SEMA5B: variants seen among roughly 807,000 people sequenced by gnomAD.
SEMA5B encodes semaphorin-5B.
Under a neutral mutation model 135.0 loss-of-function variants are expected in SEMA5B, and 66 were observed. The ratio of observed to expected loss-of-function variants is 0.49; its 90% CI spans 0.40 to 0.60. The LOEUF (loss-of-function observed/expected upper bound fraction) is 0.60, where lower values mean the gene tolerates loss of function less well. SEMA5B is among the 20% of genes least tolerant of loss of function. The probability of loss-of-function intolerance (pLI) is 0.00; values close to 1 mark genes in which losing one functional copy is unlikely to be tolerated. For missense variants in SEMA5B, 1,501 were observed against 1,566.3 expected, an observed-to-expected ratio of 0.96 and a Z score of 0.70; for synonymous variants, 690 against 639.5, an observed-to-expected ratio of 1.08 and a Z score of -1.19.
intron 4 of SEMA5B, among the ~76,000 whole-genome samples, chr3:122,939,676 G>C (rs1191290812): frequency 6.6e-6 from 1 of 152,188 alleles, no homozygotes; most frequent in Non-Finnish European, 1.5e-5. Context: ...AGTTACAGAT[G>C]AAGAAGCAAG....
intron 12 of SEMA5B, among the ~76,000 whole-genome samples, chr3:122,920,241 T>C (rs570542587): frequency 8.9e-4 from 136 of 152,354 alleles, no homozygotes; most frequent in Middle Eastern, 3.4e-3. Context: ...TTCCCCATGT[T>C]TCTCCTGCGC....
At chr3:122,939,613 C>A in intron 4 of SEMA5B, 143 bp from the exon 5 acceptor site, 1 of 640,700 alleles carries the variant, frequency 1.6e-6, no homozygotes, top group Non-Finnish European at 2.8e-6. Context: ...GCTTTACCTC[C>A]ATTTGCTCAC....
At chr3:122,993,279 C>T (rs1941932563) in intron 1 of SEMA5B, 1 of 152,386 alleles carries the variant, frequency 6.6e-6, no homozygotes, top group Non-Finnish European at 1.5e-5. Flanking sequence ...GCACTGGAAG[C>T]AGCTCGCAGC....
At chr3:122,988,604 G>A (rs1941770694) in intron 1 of SEMA5B, among the ~76,000 whole-genome samples, 2 of 152,208 alleles carry the variant, frequency 1.3e-5, no homozygotes, top group African/African-American at 2.4e-5. Context: ...CAGCCCTGGG[G>A]AGCACAGATT....
At chr3:122,941,625 A>G (rs1939568581) in intron 4 of SEMA5B, among the ~76,000 whole-genome samples, 1 of 152,280 alleles carries the variant, frequency 6.6e-6, no homozygotes, top group African/African-American at 2.4e-5. Flanking sequence ...TATGACATAT[A>G]AAATAGTGCC....
chr3:122,949,906 C>T (rs1317901813), intron 2 of SEMA5B, among the ~76,000 whole-genome samples: 4 of 152,142 alleles, frequency 2.6e-5, no homozygotes. Context: ...CCCACTGCTC[C>T]CCAAATTATC....
intron 1 of SEMA5B, among the ~76,000 whole-genome samples, chr3:122,962,244 T>C (rs1365093464): frequency 6.6e-6 from 1 of 152,238 alleles, no homozygotes; most frequent in Non-Finnish European, 1.5e-5. Context: ...TCATTCCCAC[T>C]TGGCAAACAC....
At chr3:122,942,256 A>G (rs1173466831) in intron 4 of SEMA5B, among the ~76,000 whole-genome samples, 1 of 152,166 alleles carries the variant, frequency 6.6e-6, no homozygotes. Context: ...CAAGGTCAAG[A>G]TCCCCCAGGA....
At chr3:123,010,580 G>A (rs910818637) in intron 1 of SEMA5B, among the ~76,000 whole-genome samples, 4 of 152,098 alleles carry the variant, frequency 2.6e-5, no homozygotes, top group African/African-American at 9.7e-5. Flanking sequence ...GGAGGCTGAG[G>A]CAGGCAGATC....
chr3:122,974,400 C>T (rs972126650), intron 1 of SEMA5B, among the ~76,000 whole-genome samples: 7 of 152,268 alleles, frequency 4.6e-5, no homozygotes, highest in Admixed American at 4.6e-4. Context: ...GCACACTCGC[C>T]TGCGCACATG....
At position 122,943,541 on chromosome 3, in the gene SEMA5B, G is replaced by A. The variant is rs376564971; in HGVS notation, c.329-6C>T. ...AGAGACCCACGGCTGCAGGTCTGGT[G>A]GAGGGAGAGGCAACCCTGTGGTTAC... On this transcript the variant is annotated splice_region_variant and splice_polypyrimidine_tract_variant and intron_variant, in intron 3 of 22. Coordinates refer to ENST00000357599, the MANE Select transcript of SEMA5B (RefSeq NM_001031702.4). 6.1e-5 allele frequency: 97 copies of A among 1,594,564 alleles called. No individual in the cohort carries two copies. In the African/African-American group the frequency reaches 1.0e-3, roughly 17 times the overall value.
chr3:122,966,558 T>C (rs971160913), intron 1 of SEMA5B, among the ~76,000 whole-genome samples: 6 of 141,560 alleles, frequency 4.2e-5, no homozygotes, highest in South Asian at 2.1e-4. Flanking sequence ...ATTATTATTA[T>C]TATTATTATT....
chr3:122,956,235 C>A lies in SEMA5B; in HGVS notation c.124+4905G>T, dbSNP rs113650710. 4.1e-3 allele frequency among the ~76,000 whole-genome samples: 628 copies of A among 152,362 alleles called. 10 individuals carry two copies. The highest frequency in any genetic ancestry group is 0.014 in the African/African-American group (602 of 41,582). On this transcript the variant is annotated intron_variant, in intron 2 of 22. Coordinates refer to ENST00000357599, the MANE Select transcript of SEMA5B (RefSeq NM_001031702.4). The stretch of plus-strand genomic sequence containing the variant: ...AAATCTTTGGCCAGAGCTTCTCTTG[C>A]CTTCTCTCACGCTGCTGTCCCAGTT...
chr3:122,930,190 C>T (rs144817294), intron 5 of SEMA5B, among the ~76,000 whole-genome samples: 2 of 152,304 alleles, frequency 1.3e-5, no homozygotes, highest in East Asian at 1.9e-4. Flanking sequence ...GGCAGGGGGC[C>T]GGGAGAGCGA....
At position 122,990,407 on chromosome 3, in the gene SEMA5B, G is replaced by A. The variant is rs148754612; in HGVS notation, c.-38-29106C>T. 1.4e-3 allele frequency among the ~76,000 whole-genome samples: 214 copies of A among 152,280 alleles called. 2 individuals are homozygous for A. The highest frequency in any genetic ancestry group is 4.7e-3 in the African/African-American group (196 of 41,568). ...TGAGACCCAGACTCATGGGGCCAAA[G>A]GCCACATGAGAGCCCAAGGAGAGGG... On this transcript the variant is annotated intron_variant, in intron 1 of 22. Transcript: ENST00000357599.
chr3:122,990,343 G>A (rs1422567999), intron 1 of SEMA5B, among the ~76,000 whole-genome samples: 3 of 152,184 alleles, frequency 2.0e-5, no homozygotes, highest in South Asian at 2.1e-4. Context: ...TACTTCCTAA[G>A]CAGAAGGATT....
In SEMA5B at chr3:122,956,442, G is replaced by C. The variant is rs368537080; in HGVS notation, c.124+4698C>G. ...ATTAGGAAGAGGGTTTGCTGTAACA[G>C]GGGGAGTGAGTGAAATTGGCGAGTG... On this transcript the variant is annotated intron_variant, in intron 2 of 22. Transcript: ENST00000357599. 4.0e-4 allele frequency among the ~76,000 whole-genome samples: 61 copies of C among 152,326 alleles called. 1 individual carries two copies. In the East Asian group the frequency reaches 9.8e-3, roughly 25 times the overall value.
In SEMA5B at chr3:122,913,223, C is replaced by T. The variant is rs1937852209; in HGVS notation, c.2482G>A (p.Gly828Ser). 1.9e-6 allele frequency: 3 copies of T among 1,577,232 alleles called. No individual in the cohort carries two copies. The highest frequency in any genetic ancestry group is 2.3e-5 in the East Asian group (1 of 43,172). The change falls in exon 17 of 23, where the codon GGC (glycine) becomes AGC (serine). Residue 828 changes from glycine (G) to serine (S), a missense_variant. This residue lies in a region of SEMA5B where 927 missense variants were observed against 881.6 expected (regional missense o/e 1.05). Coordinates refer to ENST00000357599, the MANE Select transcript of SEMA5B (RefSeq NM_001031702.4). ...RTETRTCPAD[G>S]SGSCDTDALV... ...CCGTCGGTGTCGCAGGAGCCGGAGC[C>T]GTCCGCGGGACAGGTCCTCGTCTCG... is the stretch of plus-strand genomic sequence containing the variant.
intron 12 of SEMA5B, among the ~76,000 whole-genome samples, chr3:122,916,269 T>A (rs1391048387): frequency 6.6e-6 from 1 of 152,142 alleles, no homozygotes; most frequent in Non-Finnish European, 1.5e-5. Context: ...CAGATGTGGT[T>A]AACAGGAACC....
Sources: gnomAD v4.1 joint callset for allele counts (sites outside exome capture counted in the v4.1 genomes callset) on GRCh38, gnomAD v4.1.1 for gene constraint, gnomAD v4.1.1 regional missense constraint, MANE v1.5 for transcripts, NCBI Gene and HGNC (gene_info 2026-07-23, HGNC 2026-07-21) for gene names.